WDR87: variants seen among roughly 807,000 people sequenced by gnomAD.
The protein encoded by WDR87 is WD repeat domain 87, also known as WD repeat-containing protein 87.
Under a neutral mutation model 83.3 loss-of-function variants are expected in WDR87, and 56 were observed. The observed-to-expected ratio is 0.67, with a 90% CI of 0.54 to 0.84. The LOEUF (loss-of-function observed/expected upper bound fraction) is 0.84, where lower values mean the gene tolerates loss of function less well. Ranked by LOEUF, WDR87 falls within the 40% of genes least tolerant of loss-of-function variation. WDR87 has a pLI of 0.00. For synonymous variants in WDR87, 1,173 were observed against 1,250.6 expected (o/e 0.94, Z 1.31); for missense variants, 2,939 against 3,431.9 (o/e 0.86, Z 3.59).
chr19:37,906,615 G>C (rs571446523), upstream of WDR87: 1 of 152,260 alleles, frequency 6.6e-6, no homozygotes, highest in Non-Finnish European at 1.5e-5. Flanking sequence ...TCCGCCCACA[G>C]AACGGTTGGC....
chr19:37,885,189 C>T lies in WDR87; in HGVS notation c.8482G>A (p.Glu2828Lys), dbSNP rs141404929. ...EEPQPQEIIYEEALKATELVP... is the reference protein window; with the variant it reads ...EEPQPQEIIYKEALKATELVP... ...AGCTCTGTGGCTTTTAGGGCCTCTT[C>T]GTAGATGATCTCTTGGGGTTGAGGT... The change falls in exon 6 of 6, where the codon GAA (glutamate) becomes AAA (lysine). Residue 2828 changes from glutamate (E) to lysine (K), a missense_variant. Around this residue, in one of 3 missense-constraint regions of WDR87, gnomAD observed 2,160 missense variants for 2,533.1 expected, o/e 0.85. Coordinates refer to ENST00000447313, the MANE Select transcript of WDR87 (RefSeq NM_001291088.2). 7.5e-6 allele frequency: 11 copies of T among 1,474,142 alleles called. No homozygotes were observed. The highest frequency in any genetic ancestry group is 4.3e-5 in the African/African-American group (3 of 70,244). The allele number at this position is 1,474,142 out of a possible 1,614,324, so 91.3% of individuals were successfully genotyped here.
At position 37,885,630 on chromosome 19, in the gene WDR87, G is replaced by A. The variant is rs1383817692; in HGVS notation, c.8041C>T (p.Leu2681=). 5.2e-6 allele frequency: 8 copies of A among 1,551,746 alleles called. No individual in the cohort carries two copies. The South Asian group carries it at 9.5e-5, about 18-fold the overall frequency. ...CTCTCACTTCTGTAAGGTTCTCCTA[G>A]AAGATGCCAATTTTTAGCCCTTGGG... The part of the protein sequence containing the change: ...PDPRAKNWHL[L]GEPYRSERAQ... The change falls in exon 6 of 6, where the codon CTA becomes TTA. Residue 2681 remains leucine (L), a synonymous_variant. Transcript: ENST00000447313.
chr19:37,892,707 G>A lies in WDR87; in HGVS notation c.2996C>T (p.Ala999Val). 2 of 1,551,828 alleles carry A rather than the reference G, an allele frequency of 1.3e-6. No individual in the cohort carries two copies. ...TTCATCCTTGTCCATTAATCCTTGA[G>A]CCAGAGGCATGGCAAAAAGATGAGT... The part of the protein sequence containing the change: ...MITHLFAMPL[A>V]QGLMDKDERV... The change falls in exon 4 of 6, where the codon GCT becomes GTT. Residue 999 changes from alanine to valine, a missense_variant. Ala to Val is a moderately conservative substitution (Grantham distance 64, BLOSUM62 0). This residue lies in a region of WDR87 where 2,160 missense variants were observed against 2,533.1 expected (regional missense o/e 0.85). Coordinates refer to ENST00000447313, the MANE Select transcript of WDR87 (RefSeq NM_001291088.2).
chr19:37,892,528 A>G (rs1333898317), intron 4 of WDR87, 50 bp downstream of exon 4: 1 of 1,403,702 alleles, frequency 7.1e-7, no homozygotes, highest in Admixed American at 2.7e-5. Context: ...AAAGGAAAGG[A>G]GGGGGAAAAT....
In WDR87 at chr19:37,898,135, T is replaced by C. The variant is rs148590269; in HGVS notation, c.75+30A>G. 13 of 1,550,784 alleles carry C rather than the reference T, an allele frequency of 8.4e-6. No homozygotes were observed. In the African/African-American group the frequency reaches 9.6e-5, roughly 11 times the overall value. On this transcript the variant is annotated intron_variant, in intron 2 of 5. Coordinates refer to ENST00000447313, the MANE Select transcript of WDR87 (RefSeq NM_001291088.2). The stretch of plus-strand genomic sequence containing the variant: ...TGTAAGACAGGTAGCAGCCAACCTA[T>C]AATATGTTTATGTCCTACATATACA...
rs2046147974 is a variant in WDR87, at chr19:37,886,620, TTTC to T, written c.7048_7050del (p.Glu2350del). On this transcript the variant is annotated inframe_deletion, in exon 6 of 6. Coordinates refer to ENST00000447313, the MANE Select transcript of WDR87 (RefSeq NM_001291088.2). ...CTTTCTGTCTCTTCCTCACTCATAA[TTTC>T]TTCTTTCTCCTCAAACACTTCTTCC... 3 of 1,534,684 alleles carry T rather than the reference TTTC, an allele frequency of 2.0e-6. No individual in the cohort carries two copies. Among genetic ancestry groups the T allele is most frequent in the African/African-American group, 1.4e-5 (1 of 72,126 alleles).
At position 37,887,248 on chromosome 19, in the gene WDR87, C is replaced by T. The variant is rs2046157472; in HGVS notation, c.6423G>A (p.Arg2141=). ...ACCTGCGCTCCTTAACAAAGAGTGC[C>T]CTCTTCATCTTTGTCATTTTTATTT... ...QEEIKMTKMK[R]ALFVKERRLS... is the part of the protein sequence containing the mutation. The change falls in exon 6 of 6, where the codon AGG becomes AGA. Residue 2141 remains arginine (R), a synonymous_variant. Transcript: ENST00000447313. The T allele has an allele frequency of 1.9e-6, 3 of 1,551,434 alleles. No homozygotes were observed. The highest frequency in any genetic ancestry group is 2.7e-5 in the African/African-American group (2 of 72,976).
Position 37,885,498 on chromosome 19 carries a change from G to C in WDR87, c.8173C>G (p.Leu2725Val). 1 of 1,551,596 alleles carries C rather than the reference G, an allele frequency of 6.4e-7. No homozygotes were observed. Among genetic ancestry groups the C allele is most frequent in the Non-Finnish European group, 8.7e-7 (1 of 1,147,006 alleles). The change falls in exon 6 of 6, where the codon CTG becomes GTG. Residue 2725 changes from leucine to valine, a missense_variant. Leu to Val is a conservative substitution (Grantham distance 32, BLOSUM62 1). This residue lies in a region of WDR87 where 2,160 missense variants were observed against 2,533.1 expected (regional missense o/e 0.85). Transcript: ENST00000447313. The stretch of plus-strand genomic sequence containing the variant: ...AAGTCCTTTTGAAACATCAGTGCCA[G>C]GGTTTGTTTTTCCACAGAGGCATGG... ...SAHASVEKQT[L>V]ALMFQKDFWD...
chr19:37,900,560 C>CAAAAAAAAAAAAA (rs58946958), intron 1 of WDR87, among the ~76,000 whole-genome samples: 2 of 78,090 alleles, frequency 2.6e-5, no homozygotes, highest in African/African-American at 5.2e-5. Flanking sequence ...GACTCCGTCT[C>CAAAAAAAAAAAAA]AAAAAAAAAA....
chr19:37,886,366 T>C lies in WDR87; in HGVS notation c.7305A>G (p.Thr2435=), dbSNP rs772389995. Reference sequence around the variant, plus strand: ...GTGTTTTCTCTTTCATCTCCAGAGCTGTTGACATCAGTTTCTTCAAAGGGC... The same window carrying C: ...GTGTTTTCTCTTTCATCTCCAGAGCCGTTGACATCAGTTTCTTCAAAGGGC... ...LKSPLKKLMS[T]ALEMKEKTPV... Residue 2435 remains threonine, a synonymous_variant, in exon 6 of 6, where the codon ACA becomes ACG. Coordinates refer to ENST00000447313, the MANE Select transcript of WDR87 (RefSeq NM_001291088.2). 12 of 1,549,084 alleles carry C rather than the reference T, an allele frequency of 7.7e-6. 1 individual carries two copies. The South Asian group carries it at 1.4e-4, about 19-fold the overall frequency.
rs193030078 is a variant in WDR87 at position 37,893,646 on chromosome 19, A to T, written c.2057T>A (p.Leu686His). The part of the protein sequence containing the change: ...KLLPPALLTR[L>H]SFMSISDEVL... ...TTCATCTGATATGCTCATAAAGGAA[A>T]GGCGAGTCAGCAGGGCTGGGGGAAG... is the stretch of plus-strand genomic sequence containing the variant. Residue 686 changes from leucine (L) to histidine (H), a missense_variant, in exon 4 of 6, where the codon CTT (leucine) becomes CAT (histidine). Physicochemically the swap from Leu to His is moderately conservative, Grantham distance 99 (BLOSUM62 -3). Around this residue, in one of 3 missense-constraint regions of WDR87, gnomAD observed 553 missense variants for 577.9 expected, o/e 0.96. Coordinates refer to ENST00000447313, the MANE Select transcript of WDR87 (RefSeq NM_001291088.2). 6.4e-7 allele frequency: 1 copy of T among 1,552,228 alleles called. No homozygotes were observed. Among genetic ancestry groups the T allele is most frequent in the Admixed American group, 2.0e-5 (1 of 51,012 alleles).
At position 37,887,665 on chromosome 19, in the gene WDR87, C is replaced by T; in HGVS notation, c.6006G>A (p.Leu2002=). The change falls in exon 6 of 6, where the codon TTG becomes TTA. Residue 2002 remains leucine (L), a synonymous_variant. Coordinates refer to ENST00000447313, the MANE Select transcript of WDR87 (RefSeq NM_001291088.2). The stretch of plus-strand genomic sequence containing the variant: ...CAGCCAGTCTTTTCATTTCCAGGTT[C>T]AATGCCTTTTCTTCCTTAGCAATAT... ...ELDIAKEEKA[L]NLEMKRLAEE... 6.4e-7 allele frequency: 1 copy of T among 1,552,288 alleles called. No homozygotes were observed. Among genetic ancestry groups the T allele is most frequent in the African/African-American group, 1.4e-5 (1 of 73,162 alleles).
Position 37,894,679 on chromosome 19 carries a change from T to A in WDR87, c.1024A>T (p.Thr342Ser), listed in dbSNP as rs1327643753. ...CGGTGCAAGGAAAAACTATGGGCAG[T>A]TTGGCAGAAGAAAGTAATGCTGTCA... ...FIDSITFFCQ[T>S]AHSFSLHRLP... Residue 342 changes from threonine to serine, a missense_variant, in exon 4 of 6, where the codon ACT (threonine) becomes TCT (serine). This residue lies in a region of WDR87 where 553 missense variants were observed against 577.9 expected (regional missense o/e 0.96). Transcript: ENST00000447313. The A allele has an allele frequency of 4.5e-6, 7 of 1,551,698 alleles. No individual in the cohort carries two copies. Among genetic ancestry groups the A allele is most frequent in the Non-Finnish European group, 6.1e-6 (7 of 1,147,008 alleles).
chr19:37,898,815 A>C (rs1040233119), intron 1 of WDR87, among the ~76,000 whole-genome samples: 1 of 139,022 alleles, frequency 7.2e-6, no homozygotes, highest in Non-Finnish European at 1.7e-5. Context: ...CATGCTTTTC[A>C]GCTGCTCTGG....
chr19:37,896,425 C>G (rs1011814381), intron 2 of WDR87, 117 bp from the exon 3 acceptor site: 4 of 1,058,604 alleles, frequency 3.8e-6, no homozygotes, highest in Non-Finnish European at 5.2e-6. Flanking sequence ...GAAGGACCTA[C>G]TCCTGTTACA....
chr19:37,889,439 T>C lies in WDR87; in HGVS notation c.4232A>G (p.Lys1411Arg), dbSNP rs756382029. ...ETQVILKKGK[K>R]VIFLEPGNVT... Reference sequence around the variant, plus strand: ...ATTACCTGGTTCTAAAAAAATAACTTTCTTGCCCTTTTTCAAAATCACTTG... The same window carrying C: ...ATTACCTGGTTCTAAAAAAATAACTCTCTTGCCCTTTTTCAAAATCACTTG... Residue 1411 changes from lysine to arginine, a missense_variant, in exon 6 of 6, where the codon AAA becomes AGA. This residue lies in a region of WDR87 where 2,160 missense variants were observed against 2,533.1 expected (regional missense o/e 0.85). Coordinates refer to ENST00000447313, the MANE Select transcript of WDR87 (RefSeq NM_001291088.2). 6.4e-7 allele frequency: 1 copy of C among 1,551,938 alleles called. No individual in the cohort carries two copies. The highest frequency in any genetic ancestry group is 1.2e-5 in the South Asian group (1 of 84,056).
intron 1 of WDR87, among the ~76,000 whole-genome samples, chr19:37,904,256 C>T (rs921652517): frequency 1.1e-4 from 16 of 151,660 alleles, no homozygotes; most frequent in Non-Finnish European, 1.8e-4. Flanking sequence ...TACTAAGGAG[C>T]AGGTAAGGGA....
rs756661455 is a variant in WDR87 at position 37,893,971 on chromosome 19, A to C, written c.1732T>G (p.Cys578Gly). The C allele has an allele frequency of 1.5e-5, 23 of 1,551,716 alleles. No individual in the cohort carries two copies. Among genetic ancestry groups the C allele is most frequent in the Non-Finnish European group, 2.0e-5 (23 of 1,147,042 alleles). ...KSVGAITETN[C>G]LRLWKFHDFL... Reference sequence around the variant, plus strand: ...TCATGGAACTTCCAGAGACGCAGGCAGTTTGTCTCTGTGATGGCACCCACA... The same window carrying C: ...TCATGGAACTTCCAGAGACGCAGGCCGTTTGTCTCTGTGATGGCACCCACA... Residue 578 changes from cysteine to glycine, a missense_variant, in exon 4 of 6, where the codon TGC becomes GGC. By Grantham distance (159) the Cys-to-Gly change is radical. Transcript: ENST00000447313.
rs1010565040 is a variant in WDR87 at position 37,886,279 on chromosome 19, T to C, written c.7392A>G (p.Ile2464Met). 1 of 1,551,612 alleles carries C rather than the reference T, an allele frequency of 6.4e-7. No homozygotes were observed. The highest frequency in any genetic ancestry group is 1.4e-5 in the African/African-American group (1 of 73,054). ...WEDKKATVVEIPRKFLGTMDK... is the reference protein window; with the variant it reads ...WEDKKATVVEMPRKFLGTMDK... ...CCATTGTCCCTAAGAATTTCCTGGG[T>C]ATTTCAACTACTGTGGCCTTTTTAT... The change falls in exon 6 of 6, where the codon ATA becomes ATG. Residue 2464 changes from isoleucine to methionine, a missense_variant. By Grantham distance (10) the Ile-to-Met change is conservative. Transcript: ENST00000447313.
Sources: allele counts gnomAD v4.1 joint callset (sites outside exome capture counted in the v4.1 genomes callset), GRCh38; gene constraint gnomAD v4.1.1; regional missense constraint gnomAD v4.1.1; transcripts MANE v1.5; gene names NCBI Gene and HGNC (gene_info 2026-07-23, HGNC 2026-07-21).